ASAH2: variants seen among roughly 807,000 people sequenced by gnomAD.
ASAH2 encodes N-acylsphingosine amidohydrolase 2, also known as neutral ceramidase.
A neutral mutation model predicts 82.9 loss-of-function variants in ASAH2; 58 were observed. The observed-to-expected ratio is 0.70, with a 90% confidence interval of 0.57 to 0.87. ASAH2 has a LOEUF of 0.87. Among genes scored for constraint, ASAH2 ranks in the 40% least tolerant of loss-of-function variants. The pLI, the probability that ASAH2 is intolerant of heterozygous loss-of-function variation, is 0.00. For missense variants in ASAH2, 779 were observed against 834.0 expected, an observed-to-expected ratio of 0.93 and a Z score of 0.81; for synonymous variants, 276 against 289.7, an observed-to-expected ratio of 0.95 and a Z score of 0.48.
At chr10:50,240,550 C>G in intron 4 of ASAH2, 1 of 702,244 alleles carries the variant, frequency 1.4e-6, no homozygotes, top group Non-Finnish European at 2.6e-6. Flanking sequence ...GAGTCCATAT[C>G]ACCCACAGAA....
chr10:50,204,989 A>T, intron 13 of ASAH2, 34 bp from the exon 14 acceptor site: 2 of 1,445,228 alleles, frequency 1.4e-6, no homozygotes, highest in Non-Finnish European at 9.6e-7. Flanking sequence ...TATGTTAGGG[A>T]TAACACTCTC....
At chr10:50,251,277 G>A (rs1014325947) in intron 1 of ASAH2, among the ~76,000 whole-genome samples, 118 bp downstream of exon 1, 2 of 152,202 alleles carry the variant, frequency 1.3e-5, no homozygotes, top group Non-Finnish European at 2.9e-5. Context: ...TGGCAAAAGA[G>A]GGTTCCAAAG....
chr10:50,211,093 C>T lies in ASAH2; in HGVS notation c.1269G>A (p.Leu423=). 2 of 1,613,754 alleles carry T rather than the reference C, an allele frequency of 1.2e-6. No homozygotes were observed. The highest frequency in any genetic ancestry group is 1.7e-6 in the Non-Finnish European group (2 of 1,179,760). ...TATCCACCCACTGGTGTGCTGAAGCCAGTGGTCCTGTTACCTCCTGGGAGG... is the reference window on the plus strand; with the variant it reads ...TATCCACCCACTGGTGTGCTGAAGCTAGTGGTCCTGTTACCTCCTGGGAGG... ...ASASQEVTGP[L]ASAHQWVDMT... is the part of the protein sequence containing the mutation. Residue 423 remains leucine, a synonymous_variant, in exon 11 of 21, where the codon CTG becomes CTA. Transcript: ENST00000682911.
intron 16 of ASAH2, among the ~76,000 whole-genome samples, chr10:50,201,624 T>C (rs1214553139): frequency 1.3e-5 from 2 of 152,014 alleles, no homozygotes; most frequent in Non-Finnish European, 2.9e-5. Context: ...CTAGTAGGGG[T>C]TCCTAACCTT....
At chr10:50,245,114 C>T in intron 3 of ASAH2, 108 bp downstream of exon 3, 1 of 1,017,164 alleles carries the variant, frequency 9.8e-7, no homozygotes, top group Non-Finnish European at 1.5e-6. Context: ...AATTAAAAAG[C>T]TAAAAGAAGA....
At chr10:50,238,681 C>T (rs1374986844) in intron 4 of ASAH2, among the ~76,000 whole-genome samples, 1 of 152,118 alleles carries the variant, frequency 6.6e-6, no homozygotes, top group Admixed American at 6.5e-5. Flanking sequence ...AAAAGAGCCA[C>T]GAGTCAACTT....
At chr10:50,251,082 C>G (rs1846601015) in intron 1 of ASAH2, among the ~76,000 whole-genome samples, 1 of 152,178 alleles carries the variant, frequency 6.6e-6, no homozygotes, top group Non-Finnish European at 1.5e-5. Flanking sequence ...ATGAAACACT[C>G]CTTGGTAGAG....
intron 1 of ASAH2, 54 bp from the exon 2 acceptor site, chr10:50,248,700 T>G (rs750791695): frequency 2.0e-5 from 27 of 1,323,860 alleles, no homozygotes; most frequent in Non-Finnish European, 2.1e-5. Context: ...CCAACCGAGG[T>G]TAAGATATCT....
intron 9 of ASAH2, 49 bp downstream of exon 9, chr10:50,214,694 A>C (rs1218588738): frequency 6.2e-7 from 1 of 1,602,536 alleles, no homozygotes; most frequent in Non-Finnish European, 8.5e-7. Flanking sequence ...CAAACATAAA[A>C]TGTATTTGAG....
chr10:50,219,821 G>T (rs1845696541), intron 7 of ASAH2, among the ~76,000 whole-genome samples: 1 of 152,204 alleles, frequency 6.6e-6, no homozygotes, highest in South Asian at 2.1e-4. Context: ...AATGAGTCAT[G>T]CTAGTTGGTA....
intron 7 of ASAH2, among the ~76,000 whole-genome samples, chr10:50,228,979 A>G (rs1845960782): frequency 6.6e-6 from 1 of 152,146 alleles, no homozygotes; most frequent in Non-Finnish European, 1.5e-5. Flanking sequence ...TTGAAGAAAT[A>G]AGTCGGCCTC....
chr10:50,238,647 G>A (rs1348065789), intron 4 of ASAH2, among the ~76,000 whole-genome samples: 2 of 152,088 alleles, frequency 1.3e-5, no homozygotes, highest in Admixed American at 1.3e-4. Flanking sequence ...ACAATTTGCA[G>A]CTAAGACAGG....
At chr10:50,201,572 G>C in intron 16 of ASAH2, among the ~76,000 whole-genome samples, 1 of 152,058 alleles carries the variant, frequency 6.6e-6, no homozygotes, top group African/African-American at 2.4e-5. Context: ...ACTGCAGGGG[G>C]GTTCAGGGAA....
At chr10:50,207,939 A>T (rs1589328713) in intron 12 of ASAH2, among the ~76,000 whole-genome samples, 2 of 152,116 alleles carry the variant, frequency 1.3e-5, no homozygotes, top group South Asian at 4.1e-4. Flanking sequence ...GAATACAGCA[A>T]CACAGAGAAA....
chr10:50,203,345 C>T (rs1845208656), intron 15 of ASAH2, among the ~76,000 whole-genome samples: 1 of 152,050 alleles, frequency 6.6e-6, no homozygotes, highest in South Asian at 2.1e-4. Context: ...TTTATTTAGA[C>T]TGTTCACAGG....
intron 13 of ASAH2, among the ~76,000 whole-genome samples, chr10:50,205,470 A>T (rs967171359): frequency 2.6e-5 from 4 of 152,008 alleles, no homozygotes; most frequent in Non-Finnish European, 4.4e-5. Context: ...TGTATTTTTA[A>T]AATGCTTCTA....
intron 7 of ASAH2, among the ~76,000 whole-genome samples, chr10:50,223,671 T>C (rs1845803562): frequency 6.6e-6 from 1 of 152,168 alleles, no homozygotes; most frequent in South Asian, 2.1e-4. Context: ...AACCTCAGAA[T>C]GTGACTTACT....
In ASAH2 at chr10:50,236,078, A is replaced by C; in HGVS notation, c.511-14T>G. On this transcript the variant is annotated splice_polypyrimidine_tract_variant and intron_variant, in intron 4 of 20. Coordinates refer to ENST00000682911, the MANE Select transcript of ASAH2 (RefSeq NM_019893.4). ...TCTGTTCAGGACCTTCAAGAAAAAAAGTAATTGAACTAAGAAGAGGGATAA... is the reference window on the plus strand; with the variant it reads ...TCTGTTCAGGACCTTCAAGAAAAAACGTAATTGAACTAAGAAGAGGGATAA... 6.2e-7 allele frequency: 1 copy of C among 1,611,360 alleles called. No individual in the cohort carries two copies. Among genetic ancestry groups the C allele is most frequent in the South Asian group, 1.1e-5 (1 of 91,028 alleles).
In ASAH2 at chr10:50,206,065, T is replaced by C. The variant is rs1845286400; in HGVS notation, c.1447A>G (p.Ile483Val). Residue 483 changes from isoleucine to valine, a missense_variant, in exon 13 of 21, where the codon ATT becomes GTT. Physicochemically the swap from Ile to Val is conservative, Grantham distance 29. Coordinates refer to ENST00000682911, the MANE Select transcript of ASAH2 (RefSeq NM_019893.4). The stretch of plus-strand genomic sequence containing the variant: ...GGCTTTCCCAGGATCTGGTCCCGAA[T>C]GGTGTCCCAAAATGGATCCCCTTCT... The part of the protein sequence containing the change: ...KTEGDPFWDT[I>V]RDQILGKPSE... The C allele has an allele frequency of 3.1e-6, 5 of 1,612,676 alleles. No homozygotes were observed. The East Asian group carries it at 1.1e-4, about 36-fold the overall frequency.
Sources: gnomAD v4.1 joint callset for allele counts (sites outside exome capture counted in the v4.1 genomes callset) on GRCh38, gnomAD v4.1.1 for gene constraint, MANE v1.5 for transcripts, NCBI Gene and HGNC (gene_info 2026-07-23, HGNC 2026-07-21) for gene names.